Variants in HTR1E observed in about 807,000 individuals in gnomAD.
HTR1E encodes 5-HT-1E.
In HTR1E, 3 loss-of-function variants were observed where a neutral mutation model predicts 3.4. That is an observed-to-expected ratio of 0.89 (90% CI 0.41 to 2.31). HTR1E has a LOEUF of 2.31. Ranked by LOEUF, HTR1E falls within the 30% of genes most tolerant of loss-of-function variation. The pLI is 0.05. For synonymous variants in HTR1E, 170 were observed against 182.8 expected, an observed-to-expected ratio of 0.93 and a Z score of 0.56; for missense variants, 392 against 467.0, an observed-to-expected ratio of 0.84 and a Z score of 1.48.
At chr6:87,012,309 G>A (rs1768250385) in intron 1 of HTR1E, among the ~76,000 whole-genome samples, 1 of 152,146 alleles carries the variant, frequency 6.6e-6, no homozygotes, top group African/African-American at 2.4e-5. Flanking sequence ...CAATTAGGTT[G>A]ACACATGTTC....
At chr6:87,014,800 G>A (rs1013169116) in intron 1 of HTR1E, among the ~76,000 whole-genome samples, 2 of 152,132 alleles carry the variant, frequency 1.3e-5, no homozygotes, top group Admixed American at 1.3e-4. Flanking sequence ...ACCAGGGCCT[G>A]TTGGGGGGTG....
chr6:86,994,553 T>C (rs1357506215), intron 1 of HTR1E, among the ~76,000 whole-genome samples: 2 of 151,948 alleles, frequency 1.3e-5, no homozygotes, highest in East Asian at 1.9e-4. Flanking sequence ...TAATGAAGGA[T>C]TCAATACAGT....
intron 1 of HTR1E, among the ~76,000 whole-genome samples, chr6:86,958,874 G>A (rs1767361763): frequency 6.6e-6 from 1 of 151,950 alleles, no homozygotes; most frequent in Non-Finnish European, 1.5e-5. Context: ...TATTGGCCCA[G>A]CTCCCACACA....
intron 1 of HTR1E, among the ~76,000 whole-genome samples, chr6:86,964,533 TTCTC>T (rs144536149): frequency 0.11 from 17,336 of 152,212 alleles, 1,071 homozygotes; most frequent in Middle Eastern, 0.18. Context: ...CTTAAATTCT[TTCTC>T]TCTTTCTCTG....
chr6:86,966,323 T>G (rs1767470947), intron 1 of HTR1E, among the ~76,000 whole-genome samples: 1 of 152,186 alleles, frequency 6.6e-6, no homozygotes. Flanking sequence ...GGAAAGTTAA[T>G]GTTATTTAAA....
At chr6:87,003,185 A>G (rs1768048959) in intron 1 of HTR1E, among the ~76,000 whole-genome samples, 1 of 152,222 alleles carries the variant, frequency 6.6e-6, no homozygotes, top group Admixed American at 6.5e-5. Context: ...TAAAGACCAT[A>G]CAAACACATG....
intron 1 of HTR1E, among the ~76,000 whole-genome samples, chr6:86,942,219 G>A (rs780557334): frequency 2.6e-5 from 4 of 152,172 alleles, no homozygotes; most frequent in Non-Finnish European, 5.9e-5. Flanking sequence ...TACAGAAAAG[G>A]ATTCCACATT....
At chr6:86,958,500 C>T (rs1299274703) in intron 1 of HTR1E, among the ~76,000 whole-genome samples, 1 of 152,106 alleles carries the variant, frequency 6.6e-6, no homozygotes, top group Non-Finnish European at 1.5e-5. Context: ...TATCTGTTGG[C>T]CTCTGTTTTC....
At chr6:86,988,696 A>G (rs1767830651) in intron 1 of HTR1E, among the ~76,000 whole-genome samples, 1 of 152,170 alleles carries the variant, frequency 6.6e-6, no homozygotes, top group Non-Finnish European at 1.5e-5. Flanking sequence ...TGCTGTCTAT[A>G]CAAGCATCCT....
chr6:86,958,121 C>T lies in HTR1E; in HGVS notation c.-186+20298C>T, dbSNP rs547048946. Among the ~76,000 whole-genome samples, 7 of 143,942 alleles carry T rather than the reference C, an allele frequency of 4.9e-5. No homozygotes were observed. The South Asian group carries it at 1.3e-3, about 27-fold the overall frequency. 94.4% of individuals were successfully genotyped at this position (143,942 alleles called of 152,430 possible). On this transcript the variant is annotated intron_variant, in intron 1 of 1. Transcript: ENST00000305344. ...TCGCCCAGGCTGGAGTGCAATGGTGCGATCTCGGCTCACTGCCAGCTCCGC... is the reference window on the plus strand; with the variant it reads ...TCGCCCAGGCTGGAGTGCAATGGTGTGATCTCGGCTCACTGCCAGCTCCGC...
chr6:86,953,535 A>G (rs1337500107), intron 1 of HTR1E, among the ~76,000 whole-genome samples: 1 of 152,174 alleles, frequency 6.6e-6, no homozygotes, highest in African/African-American at 2.4e-5. Flanking sequence ...GTGGCTCTCA[A>G]CATCCGGGAT....
intron 1 of HTR1E, among the ~76,000 whole-genome samples, chr6:86,968,893 A>G (rs1767510746): frequency 7.0e-6 from 1 of 142,026 alleles, no homozygotes; most frequent in South Asian, 2.2e-4. Flanking sequence ...TTTTTTAAAA[A>G]GAAACTTCCT....
intron 1 of HTR1E, among the ~76,000 whole-genome samples, chr6:87,010,533 C>T (rs528734232): frequency 7.0e-6 from 1 of 142,800 alleles, no homozygotes; most frequent in African/African-American, 2.6e-5. Context: ...GAGGCGCTCC[C>T]CACATCTCAG....
At chr6:86,975,874 T>A (rs574300308) in intron 1 of HTR1E, among the ~76,000 whole-genome samples, 3 of 151,622 alleles carry the variant, frequency 2.0e-5, no homozygotes, top group South Asian at 2.1e-4. Context: ...TTAGTTTTTT[T>A]ATTAAATCTC....
At position 86,992,746 on chromosome 6, in the gene HTR1E, G is replaced by A. The variant is rs140336009; in HGVS notation, c.-185-22404G>A. 2.1e-3 allele frequency among the ~76,000 whole-genome samples: 325 copies of A among 152,308 alleles called. 1 individual carries two copies. The highest frequency in any genetic ancestry group is 7.4e-3 in the African/African-American group (308 of 41,572). On this transcript the variant is annotated intron_variant, in intron 1 of 1. Transcript: ENST00000305344. ...CCCATTTAATTCTCTCTATAAATGT[G>A]TAAGGTAGGTATAATTATCCTCATT...
intron 1 of HTR1E, among the ~76,000 whole-genome samples, chr6:86,942,177 C>T (rs1370213613): frequency 6.6e-6 from 1 of 152,186 alleles, no homozygotes; most frequent in African/African-American, 2.4e-5. Context: ...GGAAAGCCCA[C>T]CTCATCTGAG....
At chr6:86,951,831 GA>G (rs535479722) in intron 1 of HTR1E, among the ~76,000 whole-genome samples, 3 of 152,098 alleles carry the variant, frequency 2.0e-5, no homozygotes, top group Non-Finnish European at 4.4e-5. Context: ...AATGTCACCT[GA>G]ATTTTAAGTA....
intron 1 of HTR1E, among the ~76,000 whole-genome samples, chr6:87,010,339 G>C: frequency 1.8e-5 from 2 of 113,056 alleles, no homozygotes; most frequent in African/African-American, 7.1e-5. Context: ...CTCCCTCCCG[G>C]ACGGGGCGGC....
chr6:86,995,665 C>CAAAAAAAAAAAAA (rs60134206), intron 1 of HTR1E, among the ~76,000 whole-genome samples: 10 of 36,692 alleles, frequency 2.7e-4, no homozygotes, highest in Non-Finnish European at 3.7e-4. Flanking sequence ...GACTCCATCT[C>CAAAAAAAAAAAAA]AAAAAAAAAA....
Sources: gnomAD v4.1 joint callset for allele counts (sites outside exome capture counted in the v4.1 genomes callset) on GRCh38, gnomAD v4.1.1 for gene constraint, MANE v1.5 for transcripts, NCBI Gene and HGNC (gene_info 2026-07-23, HGNC 2026-07-21) for gene names.